LPCAT2: variants seen among roughly 807,000 people sequenced by gnomAD.
The protein encoded by LPCAT2 is 1-AGP acyltransferase 11.
In LPCAT2, 58 loss-of-function variants were observed where a neutral mutation model predicts 64.7. That is an observed-to-expected ratio of 0.90 (90% CI 0.73 to 1.12). The LOEUF is 1.12. LPCAT2 is among the 50% of genes most tolerant of loss of function. The probability of loss-of-function intolerance (pLI) is 0.00; values close to 1 mark genes in which losing one functional copy is unlikely to be tolerated. For synonymous variants in LPCAT2, 252 were observed against 245.3 expected (o/e 1.03, Z -0.26); for missense variants, 579 against 669.8 (o/e 0.86, Z 1.50).
At chr16:55,557,430 T>A (rs1048252809) in intron 11 of LPCAT2, among the ~76,000 whole-genome samples, 1 of 152,200 alleles carries the variant, frequency 6.6e-6, no homozygotes, top group Non-Finnish European at 1.5e-5. Flanking sequence ...GCTTGTTTTC[T>A]CAGTCTCTGT....
Position 55,558,403 on chromosome 16 carries a change from G to T in LPCAT2, c.1215+7301G>T, listed in dbSNP as rs114106924. 8.9e-3 allele frequency among the ~76,000 whole-genome samples: 1,353 copies of T among 152,308 alleles called. 15 individuals are homozygous for T. Among genetic ancestry groups the T allele is most frequent in the African/African-American group, 0.03 (1,251 of 41,574 alleles). On this transcript the variant is annotated intron_variant, in intron 11 of 13. Coordinates refer to ENST00000262134, the MANE Select transcript of LPCAT2 (RefSeq NM_017839.5). ...TATTCAGCAGTTGTATGCTGCCCTG[G>T]CAGCGGTATCTTCTGTACCTATAAA...
chr16:55,544,104 C>G (rs1963426435), intron 8 of LPCAT2, among the ~76,000 whole-genome samples: 1 of 152,160 alleles, frequency 6.6e-6, no homozygotes, highest in South Asian at 2.1e-4. Flanking sequence ...TGCATACACT[C>G]CTTACCGCTG....
chr16:55,546,572 C>CAT (rs1202552440), intron 9 of LPCAT2, among the ~76,000 whole-genome samples: 25 of 152,116 alleles, frequency 1.6e-4, no homozygotes, highest in African/African-American at 5.1e-4. Flanking sequence ...AGCCAGATTT[C>CAT]ATATATATAT....
intron 8 of LPCAT2, chr16:55,539,629 A>G (rs1297732896): frequency 6.6e-6 from 1 of 152,146 alleles, no homozygotes; most frequent in African/African-American, 2.4e-5. Context: ...CCCTTCAGGC[A>G]CTAAGTATAC....
At chr16:55,563,961 C>T (rs1963664336) in intron 11 of LPCAT2, among the ~76,000 whole-genome samples, 1 of 151,638 alleles carries the variant, frequency 6.6e-6, no homozygotes, top group African/African-American at 2.4e-5. Flanking sequence ...TAAAGATTAC[C>T]CCTCACACAT....
At chr16:55,518,463 A>G (rs984455029) in intron 1 of LPCAT2, among the ~76,000 whole-genome samples, 5 of 152,202 alleles carry the variant, frequency 3.3e-5, no homozygotes, top group African/African-American at 1.2e-4. Flanking sequence ...AGGGACTACA[A>G]ACAACCAAAA....
chr16:55,574,067 G>T (rs1476993494), intron 11 of LPCAT2, among the ~76,000 whole-genome samples: 2 of 152,154 alleles, frequency 1.3e-5, no homozygotes, highest in African/African-American at 2.4e-5. Flanking sequence ...ATCTTCTGGG[G>T]TGATGTCCCC....
At chr16:55,518,358 T>C (rs1460085019) in intron 1 of LPCAT2, among the ~76,000 whole-genome samples, 1 of 152,202 alleles carries the variant, frequency 6.6e-6, no homozygotes, top group African/African-American at 2.4e-5. Context: ...CAAACTGATC[T>C]ACAGATTAGT....
chr16:55,579,466 C>A (rs1211647477), intron 13 of LPCAT2, among the ~76,000 whole-genome samples: 4 of 152,110 alleles, frequency 2.6e-5, no homozygotes, highest in Admixed American at 2.6e-4. Context: ...TATATATTAA[C>A]CCATTTAATC....
At chr16:55,533,700 A>G (rs1208860862) in intron 6 of LPCAT2, among the ~76,000 whole-genome samples, 1 of 152,176 alleles carries the variant, frequency 6.6e-6, no homozygotes, top group Non-Finnish European at 1.5e-5. Context: ...GGCATGAGCC[A>G]CTGCATCTGG....
intron 11 of LPCAT2, among the ~76,000 whole-genome samples, chr16:55,561,329 G>A (rs1020736849): frequency 2.0e-5 from 3 of 147,702 alleles, no homozygotes; most frequent in African/African-American, 4.9e-5. Flanking sequence ...CCCAAATTGG[G>A]ACTAAATTAT....
At chr16:55,548,271 T>C (rs1193829707) in intron 9 of LPCAT2, among the ~76,000 whole-genome samples, 8 of 152,198 alleles carry the variant, frequency 5.3e-5, no homozygotes, top group Admixed American at 3.9e-4. Context: ...CTTATAAATA[T>C]GTATTTTTTT....
At chr16:55,530,450 A>C (rs1303693552) in intron 4 of LPCAT2, among the ~76,000 whole-genome samples, 5 of 150,704 alleles carry the variant, frequency 3.3e-5, no homozygotes, top group African/African-American at 9.8e-5. Context: ...ACCTTTTTTC[A>C]AACTTTACCA....
At chr16:55,527,372 C>G (rs376337843) in intron 2 of LPCAT2, among the ~76,000 whole-genome samples, 1 of 150,754 alleles carries the variant, frequency 6.6e-6, no homozygotes, top group Non-Finnish European at 1.5e-5. Context: ...CCCAGCTACT[C>G]GAGAGACTGA....
chr16:55,528,623 A>T, intron 3 of LPCAT2, 29 bp downstream of exon 3: 2 of 1,502,668 alleles, frequency 1.3e-6, no homozygotes, highest in Non-Finnish European at 1.8e-6. Flanking sequence ...ACGTAGATAA[A>T]ATATTTTCAT....
At position 55,586,221 on chromosome 16, in the gene LPCAT2, T is replaced by C. The variant is rs536976395; in HGVS notation, c.*3123T>C. 1 of 152,220 alleles carries C rather than the reference T, an allele frequency of 6.6e-6. No individual in the cohort carries two copies. Among genetic ancestry groups the C allele is most frequent in the South Asian group, 2.1e-4 (1 of 4,824 alleles). The allele number at this position is 152,220 out of a possible 1,614,324, so 9.4% of individuals were successfully genotyped here. ...TAAATAGGATAGTAATCTGAAGAAC[T>C]TTTGCCCTTTTTACCCCATTTACTG... On this transcript the variant is annotated 3_prime_UTR_variant, in exon 14 of 14. Coordinates refer to ENST00000262134, the MANE Select transcript of LPCAT2 (RefSeq NM_017839.5).
intron 1 of LPCAT2, among the ~76,000 whole-genome samples, chr16:55,511,377 AAAAACAATGTCCATATTATCC>A (rs1962929808): frequency 8.5e-5 from 13 of 152,210 alleles, no homozygotes; most frequent in Admixed American, 7.9e-4. Flanking sequence ...GGCATGGTAG[AAAAACAATGTCCATATTATCC>A]AGTTTAAAAG....
chr16:55,580,359 G>A (rs1222924637), intron 13 of LPCAT2, among the ~76,000 whole-genome samples: 1 of 152,230 alleles, frequency 6.6e-6, no homozygotes, highest in African/African-American at 2.4e-5. Context: ...TCATAAGGAA[G>A]ACTATTACTC....
At chr16:55,540,413 C>G (rs1217035983) in intron 8 of LPCAT2, 1 of 151,974 alleles carries the variant, frequency 6.6e-6, no homozygotes, top group Non-Finnish European at 1.5e-5. Context: ...ACAAGTATCC[C>G]TTTATAAGGA....
Sources: allele counts gnomAD v4.1 joint callset (sites outside exome capture counted in the v4.1 genomes callset), GRCh38; gene constraint gnomAD v4.1.1; transcripts MANE v1.5; gene names NCBI Gene and HGNC (gene_info 2026-07-23, HGNC 2026-07-21).